The following PDE11A variants were observed in gnomAD, a reference collection of about 807,000 sequenced individuals.
The protein encoded by PDE11A is dual 3',5'-cyclic-AMP and -GMP phosphodiesterase 11A.
PDE11A carries 100 observed loss-of-function variants against 100.5 expected under a neutral mutation model. The ratio of observed to expected loss-of-function variants is 1.00; its 90% CI spans 0.85 to 1.18. The LOEUF (loss-of-function observed/expected upper bound fraction) is 1.18, where lower values mean the gene tolerates loss of function less well. Ranked by LOEUF, PDE11A falls within the 50% of genes most tolerant of loss-of-function variation. The pLI, the probability that PDE11A is intolerant of heterozygous loss-of-function variation, is 0.00. For synonymous variants in PDE11A, 381 were observed against 420.8 expected, an observed-to-expected ratio of 0.91 and a Z score of 1.16; for missense variants, 1,141 against 1,152.6, an observed-to-expected ratio of 0.99 and a Z score of 0.15.
At chr2:177,675,262 T>TTA (rs1553536645) in intron 17 of PDE11A, among the ~76,000 whole-genome samples, 193 bp downstream of exon 17, 2 of 139,132 alleles carry the variant, frequency 1.4e-5, no homozygotes, top group Non-Finnish European at 3.1e-5. Flanking sequence ...GAAAGCACGA[T>TTA]AAAAAAAAAA....
intron 6 of PDE11A, among the ~76,000 whole-genome samples, chr2:177,838,601 CCA>C (rs1462319997): frequency 6.6e-6 from 1 of 152,140 alleles, no homozygotes; most frequent in Non-Finnish European, 1.5e-5. Context: ...CAGATCTCCC[CCA>C]GAGGCCTAGC....
In PDE11A at chr2:177,630,304, G is replaced by T. The variant is rs2079899164; in HGVS notation, c.2647-742C>A. On this transcript the variant is annotated intron_variant, in intron 19 of 19. Coordinates refer to ENST00000286063, the MANE Select transcript of PDE11A (RefSeq NM_016953.4). The stretch of plus-strand genomic sequence containing the variant: ...AGTATATTCTTTTGTGCTTAATTTT[G>T]TGTGTGTGTGTTTTTAAGAGTCCTC... 3.9e-5 allele frequency among the ~76,000 whole-genome samples: 6 copies of T among 152,096 alleles called. No individual in the cohort carries two copies. In the South Asian group the frequency reaches 8.3e-4, roughly 21 times the overall value.
chr2:177,775,973 T>C (rs372174150), intron 9 of PDE11A, among the ~76,000 whole-genome samples: 2 of 152,184 alleles, frequency 1.3e-5, no homozygotes, highest in African/African-American at 2.4e-5. Flanking sequence ...GGGAGTATGG[T>C]TGATACTTAG....
At chr2:177,715,778 C>A (rs1204907008) in intron 12 of PDE11A, among the ~76,000 whole-genome samples, 1 of 152,102 alleles carries the variant, frequency 6.6e-6, no homozygotes, top group African/African-American at 2.4e-5. Context: ...CCCGTATTGC[C>A]TTTTTTCTCT....
At chr2:177,697,727 C>T (rs2081134790) in intron 14 of PDE11A, among the ~76,000 whole-genome samples, 2 of 152,170 alleles carry the variant, frequency 1.3e-5, no homozygotes, top group African/African-American at 4.8e-5. Flanking sequence ...ACAATTCCAT[C>T]TGACTACCCA....
chr2:178,008,851 G>A (rs1194700810), intron 2 of PDE11A, among the ~76,000 whole-genome samples: 1 of 152,062 alleles, frequency 6.6e-6, no homozygotes, highest in Non-Finnish European at 1.5e-5. Context: ...GGAACATGTC[G>A]GCATGAAGGA....
chr2:178,085,539 T>TAA lies in PDE11A; in HGVS notation c.162+18761_162+18762dup, dbSNP rs56201348. Among the ~76,000 whole-genome samples the TAA allele has an allele frequency of 7.7e-3, 1,149 of 148,992 alleles. 15 individuals carry two copies. Among genetic ancestry groups the TAA allele is most frequent in the African/African-American group, 0.015 (598 of 40,212 alleles). On this transcript the variant is annotated intron_variant, in intron 2 of 20. Coordinates refer to the PDE11A transcript ENST00000358450. ...TATGTACCTAAAACAATAGTTGAAA[T>TAA]AAAAAAAAAAATAAACCTAAAGAAT...
At chr2:177,848,044 C>A (rs533019042) in intron 5 of PDE11A, among the ~76,000 whole-genome samples, 17 of 151,866 alleles carry the variant, frequency 1.1e-4, no homozygotes, top group African/African-American at 4.1e-4. Context: ...TGGTGCATAA[C>A]AAGAAAAAAT....
At chr2:178,056,471 A>G (rs2086900815) in intron 1 of PDE11A, among the ~76,000 whole-genome samples, 1 of 152,194 alleles carries the variant, frequency 6.6e-6, no homozygotes, top group Non-Finnish European at 1.5e-5. Context: ...TGGATATTGC[A>G]TACCAAGTGT....
intron 9 of PDE11A, among the ~76,000 whole-genome samples, chr2:177,799,713 G>C (rs1347313005): frequency 6.6e-6 from 1 of 152,140 alleles, no homozygotes; most frequent in Non-Finnish European, 1.5e-5. Flanking sequence ...AAAGAAGATG[G>C]GAAGGCATTG....
rs187723804 is a variant in PDE11A at position 178,059,224 on chromosome 2, C to T, written c.912+12302G>A. ...GCAACAGGGTCAATGAACAGAGATA[C>T]CTGTGTTCTACTGTTGCCCTCTGTG... On this transcript the variant is annotated intron_variant, in intron 1 of 19. Transcript: ENST00000286063. Among the ~76,000 whole-genome samples the T allele has an allele frequency of 4.2e-4, 64 of 152,238 alleles. 1 individual carries two copies. The highest frequency in any genetic ancestry group is 6.9e-4 in the Non-Finnish European group (47 of 68,024).
chr2:178,089,059 T>C (rs1184106358), intron 2 of PDE11A, among the ~76,000 whole-genome samples: 4 of 152,190 alleles, frequency 2.6e-5, no homozygotes, highest in Admixed American at 1.3e-4. Context: ...GGTGCCCGTA[T>C]CAGTTAGGGT....
intron 10 of PDE11A, among the ~76,000 whole-genome samples, chr2:177,741,515 A>G (rs1423829457): frequency 6.6e-6 from 1 of 152,234 alleles, no homozygotes; most frequent in Admixed American, 6.5e-5. Context: ...TGAATTGAGC[A>G]CTAAATATCT....
intron 2 of PDE11A, among the ~76,000 whole-genome samples, chr2:177,947,785 T>A (rs993873400): frequency 0.13 from 135 of 1,052 alleles, no homozygotes; most frequent in Admixed American, 0.25. Context: ...TTTAAAAAAA[T>A]AAAAAAATAA....
chr2:177,688,472 CAG>C (rs1477458719), intron 15 of PDE11A, among the ~76,000 whole-genome samples: 4 of 152,182 alleles, frequency 2.6e-5, no homozygotes, highest in Non-Finnish European at 5.9e-5. Flanking sequence ...CTGTTAGAAA[CAG>C]GGGCATTTTT....
intron 2 of PDE11A, among the ~76,000 whole-genome samples, chr2:177,932,985 T>C (rs532752396): frequency 1.3e-5 from 2 of 152,240 alleles, no homozygotes; most frequent in African/African-American, 2.4e-5. Flanking sequence ...GTAAAATTAA[T>C]GTACAAAAAT....
At chr2:177,656,136 C>G (rs1453859646) in intron 19 of PDE11A, among the ~76,000 whole-genome samples, 1 of 152,196 alleles carries the variant, frequency 6.6e-6, no homozygotes, top group Non-Finnish European at 1.5e-5. Flanking sequence ...ACAGTGCATA[C>G]TCTGATGAAA....
At chr2:177,916,741 T>G (rs2084958709) in intron 2 of PDE11A, among the ~76,000 whole-genome samples, 1 of 150,826 alleles carries the variant, frequency 6.6e-6, no homozygotes, top group Non-Finnish European at 1.5e-5. Context: ...TTTATTTTAT[T>G]TTATTTTATT....
intron 19 of PDE11A, among the ~76,000 whole-genome samples, chr2:177,642,374 TAAG>T (rs1455895271): frequency 6.6e-6 from 1 of 152,144 alleles, no homozygotes; most frequent in African/African-American, 2.4e-5. Context: ...GGTGAAATAA[TAAG>T]AAAAGACTTA....
Sources: gnomAD v4.1 joint callset for allele counts (sites outside exome capture counted in the v4.1 genomes callset) on GRCh38, gnomAD v4.1.1 for gene constraint, MANE v1.5 for transcripts, NCBI Gene and HGNC (gene_info 2026-07-23, HGNC 2026-07-21) for gene names.